Variants in DTWD2 observed in about 807,000 individuals in gnomAD.
DTWD2 encodes tRNA-uridine aminocarboxypropyltransferase 2.
In DTWD2, 39 loss-of-function variants were observed where a neutral mutation model predicts 31.8. That is an observed-to-expected ratio of 1.22 (90% confidence interval 0.95 to 1.60). The LOEUF is 1.60. Among genes scored for constraint, DTWD2 ranks in the 40% most tolerant of loss-of-function variants. The pLI, the probability that DTWD2 is intolerant of heterozygous loss-of-function variation, is 0.00. For missense variants in DTWD2, 515 were observed against 381.5 expected (o/e 1.35, Z -2.92); for synonymous variants, 180 against 142.8 (o/e 1.26, Z -1.86).
rs1034576306 is a variant in DTWD2 at position 118,981,780 on chromosome 5, C to T, written c.218+6514G>A. On this transcript the variant is annotated intron_variant, in intron 1 of 5. Coordinates refer to ENST00000510708, the MANE Select transcript of DTWD2 (RefSeq NM_173666.4). ...AAGAATTCAGGAGATACAGGCTTGACTTTAAGAAATACAATAATTTAAAAA... is the reference window on the plus strand; with the variant it reads ...AAGAATTCAGGAGATACAGGCTTGATTTTAAGAAATACAATAATTTAAAAA... 2.0e-5 allele frequency among the ~76,000 whole-genome samples: 3 copies of T among 152,128 alleles called. No individual in the cohort carries two copies. The South Asian group carries it at 6.2e-4, about 31-fold the overall frequency.
intron 1 of DTWD2, among the ~76,000 whole-genome samples, chr5:118,967,267 A>G (rs1056941730): frequency 2.0e-5 from 3 of 152,216 alleles, no homozygotes; most frequent in Admixed American, 6.5e-5. Flanking sequence ...GTTTCTTTAC[A>G]TAAGTGTAGG....
At chr5:118,890,917 G>C (rs1014156270) in intron 4 of DTWD2, among the ~76,000 whole-genome samples, 1 of 152,060 alleles carries the variant, frequency 6.6e-6, no homozygotes, top group African/African-American at 2.4e-5. Context: ...TAAATAGTTT[G>C]AAGGTAAAAT....
At chr5:118,858,600 C>T (rs1752191246) in intron 4 of DTWD2, among the ~76,000 whole-genome samples, 1 of 152,106 alleles carries the variant, frequency 6.6e-6, no homozygotes. Flanking sequence ...CCAGAATTAT[C>T]AACATTTTGC....
intron 4 of DTWD2, among the ~76,000 whole-genome samples, chr5:118,886,014 C>G (rs1384432387): frequency 6.6e-6 from 1 of 152,122 alleles, no homozygotes; most frequent in Non-Finnish European, 1.5e-5. Context: ...TAATCACCAC[C>G]TGTGAAAAGA....
rs540576863 is a variant in DTWD2, at chr5:118,962,069, T to C, written c.219-17420A>G. ...CCAGTCTCAACATGGAGAAACCCCA[T>C]CTCTACTAAAAATACAAAATTAGCT... On this transcript the variant is annotated intron_variant, in intron 1 of 5. Transcript: ENST00000510708. 6.6e-5 allele frequency among the ~76,000 whole-genome samples: 10 copies of C among 152,118 alleles called. No individual in the cohort carries two copies. The East Asian group carries it at 1.9e-3, about 29-fold the overall frequency.
At chr5:118,983,799 T>A (rs187939687) in intron 1 of DTWD2, among the ~76,000 whole-genome samples, 18 of 152,334 alleles carry the variant, frequency 1.2e-4, no homozygotes, top group African/African-American at 4.3e-4. Flanking sequence ...CCAAGTGGAC[T>A]GGAGCTAGAG....
At chr5:118,921,534 A>G (rs1753704328) in intron 4 of DTWD2, among the ~76,000 whole-genome samples, 1 of 150,720 alleles carries the variant, frequency 6.6e-6, no homozygotes, top group South Asian at 2.1e-4. Flanking sequence ...AAAAAAAAAA[A>G]GAAAGAAAGA....
chr5:118,917,016 C>T (rs532237749), intron 4 of DTWD2, among the ~76,000 whole-genome samples: 2 of 152,222 alleles, frequency 1.3e-5, no homozygotes, highest in Non-Finnish European at 2.9e-5. Context: ...TCCCTTCATC[C>T]TAACTTGGGT....
chr5:118,938,708 T>C (rs912974665), intron 3 of DTWD2, among the ~76,000 whole-genome samples: 1 of 150,766 alleles, frequency 6.6e-6, no homozygotes, highest in Non-Finnish European at 1.5e-5. Context: ...AGTGAGATCC[T>C]GCCTCAAAAA....
intron 4 of DTWD2, among the ~76,000 whole-genome samples, chr5:118,896,125 A>C (rs76356866): frequency 6.6e-6 from 1 of 152,160 alleles, no homozygotes; most frequent in African/African-American, 2.4e-5. Flanking sequence ...ATGAGCGAAA[A>C]TGTGAAACAG....
chr5:118,955,280 T>G (rs1754559572), intron 1 of DTWD2, among the ~76,000 whole-genome samples: 1 of 152,182 alleles, frequency 6.6e-6, no homozygotes, highest in African/African-American at 2.4e-5. Context: ...TCAACTAGCT[T>G]TATATTTAGC....
chr5:118,986,047 ATTTG>A (rs1755419278), intron 1 of DTWD2, among the ~76,000 whole-genome samples: 1 of 152,166 alleles, frequency 6.6e-6, no homozygotes, highest in Non-Finnish European at 1.5e-5. Context: ...CTCCAAAAAT[ATTTG>A]TTGAACAACT....
intron 4 of DTWD2, among the ~76,000 whole-genome samples, chr5:118,912,413 C>T (rs1753477147): frequency 6.6e-6 from 1 of 152,206 alleles, no homozygotes. Context: ...TTACTAAGGC[C>T]ACAAGGCCCT....
chr5:118,885,768 A>T (rs1003124782), intron 4 of DTWD2, among the ~76,000 whole-genome samples: 6 of 148,084 alleles, frequency 4.1e-5, no homozygotes, highest in Non-Finnish European at 6.0e-5. Context: ...CTCTGTATTT[A>T]AAAAAAAAAA....
intron 3 of DTWD2, among the ~76,000 whole-genome samples, chr5:118,931,349 T>A (rs1234501954): frequency 6.9e-6 from 1 of 145,304 alleles, no homozygotes. Flanking sequence ...GAGTGAACCA[T>A]GATTGTGCCA....
intron 1 of DTWD2, among the ~76,000 whole-genome samples, chr5:118,971,083 C>T (rs141151947): frequency 7.4e-4 from 113 of 152,228 alleles, no homozygotes; most frequent in African/African-American, 2.6e-3. Flanking sequence ...ATAAACAAGT[C>T]TGCAAAATAA....
intron 4 of DTWD2, among the ~76,000 whole-genome samples, chr5:118,918,257 T>C (rs1481597683): frequency 1.3e-5 from 2 of 152,036 alleles, no homozygotes; most frequent in African/African-American, 2.4e-5. Flanking sequence ...GTTTGGAAAA[T>C]AAAAGAAGGT....
chr5:118,851,592 CA>C (rs1561425929), intron 4 of DTWD2, among the ~76,000 whole-genome samples: 1 of 149,464 alleles, frequency 6.7e-6, no homozygotes, highest in African/African-American at 2.5e-5. Flanking sequence ...TTCAGCTGTG[CA>C]CGTATTGTCT....
intron 4 of DTWD2, among the ~76,000 whole-genome samples, chr5:118,849,550 C>A (rs1751948640): frequency 6.6e-6 from 1 of 152,170 alleles, no homozygotes; most frequent in African/African-American, 2.4e-5. Context: ...GATTATAAAT[C>A]ATTCTACTAT....
Sources: gnomAD v4.1 joint callset for allele counts (sites outside exome capture counted in the v4.1 genomes callset) on GRCh38, gnomAD v4.1.1 for gene constraint, MANE v1.5 for transcripts, NCBI Gene and HGNC (gene_info 2026-07-23, HGNC 2026-07-21) for gene names.